Variants in RPS6KC1 observed in about 807,000 individuals in gnomAD.
RPS6KC1 encodes the protein inactive ribosomal protein S6 kinase delta-1.
In RPS6KC1, 54 loss-of-function variants were observed where a neutral mutation model predicts 103.8. That is an observed-to-expected ratio of 0.52 (90% CI 0.42 to 0.65). The LOEUF (loss-of-function observed/expected upper bound fraction) is 0.65. RPS6KC1 is among the 30% of genes least tolerant of loss of function. RPS6KC1 has a pLI of 0.00. For missense variants in RPS6KC1, 1,151 were observed against 1,253.8 expected, an observed-to-expected ratio of 0.92 and a Z score of 1.24; for synonymous variants, 439 against 438.7, an observed-to-expected ratio of 1.00 and a Z score of -0.01.
At chr1:213,767,846 C>T in the RPS6KC1 span, among the ~76,000 whole-genome samples, 1 of 152,102 alleles carries the variant, frequency 6.6e-6, no homozygotes, top group Non-Finnish European at 1.5e-5. Flanking sequence ...TGTGTTCTTC[C>T]CATTAACTAC....
intron 8 of RPS6KC1, among the ~76,000 whole-genome samples, chr1:213,210,713 G>T (rs2093480577): frequency 6.6e-6 from 1 of 152,110 alleles, no homozygotes; most frequent in Admixed American, 6.5e-5. Flanking sequence ...CAGAAGTTTG[G>T]CTCCATCTGC....
the RPS6KC1 span, among the ~76,000 whole-genome samples, chr1:213,439,509 G>GT: frequency 0.044 from 6,737 of 152,198 alleles, 167 homozygotes; most frequent in African/African-American, 0.06. Flanking sequence ...TGTTGTTGTG[G>GT]TTGGGTTTTG....
At chr1:213,520,849 A>T in the RPS6KC1 span, among the ~76,000 whole-genome samples, 6 of 152,246 alleles carry the variant, frequency 3.9e-5, no homozygotes, top group African/African-American at 1.4e-4. Context: ...ATTTATTTTT[A>T]AATTGTCAAA....
At chr1:213,460,613 A>G in the RPS6KC1 span, among the ~76,000 whole-genome samples, 5 of 152,006 alleles carry the variant, frequency 3.3e-5, no homozygotes, top group African/African-American at 9.7e-5. Flanking sequence ...GTTATGTGTG[A>G]ATTTGATCCT....
the RPS6KC1 span, among the ~76,000 whole-genome samples, chr1:213,339,408 C>G: frequency 6.6e-6 from 1 of 152,144 alleles, no homozygotes; most frequent in African/African-American, 2.4e-5. Flanking sequence ...TGTTTCAGAC[C>G]AGAAAGATAA....
intron 8 of RPS6KC1, among the ~76,000 whole-genome samples, chr1:213,225,470 A>C (rs1220345345): frequency 6.6e-6 from 1 of 151,602 alleles, no homozygotes; most frequent in African/African-American, 2.4e-5. Flanking sequence ...ATTCACTGCA[A>C]CCTCCGCCTC....
intron 2 of RPS6KC1, among the ~76,000 whole-genome samples, chr1:213,071,661 T>A (rs1170579872): frequency 6.6e-6 from 1 of 152,190 alleles, no homozygotes; most frequent in Non-Finnish European, 1.5e-5. Context: ...CATTTCAAGA[T>A]CATAATGCCT....
At chr1:213,296,286 A>T in the RPS6KC1 span, among the ~76,000 whole-genome samples, 4 of 152,354 alleles carry the variant, frequency 2.6e-5, no homozygotes, top group South Asian at 8.3e-4. Context: ...ATACACACCC[A>T]GATTGTTGCT....
At chr1:213,130,671 T>A (rs554383336) in intron 6 of RPS6KC1, among the ~76,000 whole-genome samples, 1 of 152,274 alleles carries the variant, frequency 6.6e-6, no homozygotes, top group East Asian at 1.9e-4. Context: ...ATGCCTAGTA[T>A]CCTGTAGTCC....
At chr1:213,609,919 A>G in the RPS6KC1 span, among the ~76,000 whole-genome samples, 1 of 151,884 alleles carries the variant, frequency 6.6e-6, no homozygotes, top group Admixed American at 6.6e-5. Flanking sequence ...TACCCTTTCC[A>G]TGAGATTGCT....
At chr1:213,609,682 G>A in the RPS6KC1 span, among the ~76,000 whole-genome samples, 1 of 151,612 alleles carries the variant, frequency 6.6e-6, no homozygotes, top group Non-Finnish European at 1.5e-5. Context: ...GCCTTGCAAA[G>A]TCTTTGCCCT....
chr1:213,087,143 A>G (rs1388777260), intron 3 of RPS6KC1, among the ~76,000 whole-genome samples: 3 of 152,202 alleles, frequency 2.0e-5, no homozygotes, highest in Non-Finnish European at 4.4e-5. Flanking sequence ...TTATAAGATC[A>G]CTTGTTAGAT....
the RPS6KC1 span, among the ~76,000 whole-genome samples, chr1:213,337,911 G>A: frequency 6.6e-6 from 1 of 152,136 alleles, no homozygotes; most frequent in African/African-American, 2.4e-5. Context: ...ATAGGGTAGG[G>A]ACAATTTCTG....
At chr1:213,853,863 C>A in the RPS6KC1 span, among the ~76,000 whole-genome samples, 6 of 152,188 alleles carry the variant, frequency 3.9e-5, no homozygotes, top group African/African-American at 1.4e-4. Context: ...ACATGCTTCA[C>A]TTGGGATTCT....
At chr1:213,052,330 G>C (rs1324239505) in intron 1 of RPS6KC1, among the ~76,000 whole-genome samples, 1 of 152,194 alleles carries the variant, frequency 6.6e-6, no homozygotes, top group African/African-American at 2.4e-5. Flanking sequence ...ATTTTAATGA[G>C]GAAGAAATAG....
At chr1:213,353,868 T>C in the RPS6KC1 span, among the ~76,000 whole-genome samples, 1 of 152,200 alleles carries the variant, frequency 6.6e-6, no homozygotes, top group African/African-American at 2.4e-5. Context: ...ATTGCTTCCC[T>C]ATGCTGTGTT....
chr1:213,330,346 T>C, the RPS6KC1 span, among the ~76,000 whole-genome samples: 2 of 152,334 alleles, frequency 1.3e-5, no homozygotes. Flanking sequence ...TATTGCTGGG[T>C]ACTAGGATAT....
chr1:213,709,394 T>C, the RPS6KC1 span, among the ~76,000 whole-genome samples: 1 of 152,252 alleles, frequency 6.6e-6, no homozygotes, highest in Non-Finnish European at 1.5e-5. Flanking sequence ...TCAATGGTGA[T>C]ATCCTCTTTA....
the RPS6KC1 span, among the ~76,000 whole-genome samples, chr1:213,399,415 A>G: frequency 6.6e-6 from 1 of 152,128 alleles, no homozygotes; most frequent in Non-Finnish European, 1.5e-5. Context: ...TCTTCCAGAA[A>G]GATGTGAGCC....
Sources: gnomAD v4.1 joint callset for allele counts (sites outside exome capture counted in the v4.1 genomes callset) on GRCh38, gnomAD v4.1.1 for gene constraint, MANE v1.5 for transcripts, NCBI Gene and HGNC (gene_info 2026-07-23, HGNC 2026-07-21) for gene names.